The following IVD variants were observed in gnomAD, a reference collection of about 807,000 sequenced individuals.
The protein encoded by IVD is isovaleryl-CoA dehydrogenase, mitochondrial.
A neutral mutation model predicts 51.3 loss-of-function variants in IVD; 31 were observed. The ratio of observed to expected loss-of-function variants is 0.60; its 90% CI spans 0.45 to 0.81. IVD has a LOEUF of 0.81. Among genes scored for constraint, IVD ranks in the 40% least tolerant of loss-of-function variants. The pLI, the probability that IVD is intolerant of heterozygous loss-of-function variation, is 0.00. For missense variants in IVD, 475 were observed against 552.0 expected (o/e 0.86, Z 1.40); for synonymous variants, 205 against 219.4 (o/e 0.93, Z 0.58).
Position 40,411,275 on chromosome 15 carries a change from T to C in IVD, c.472T>C (p.Tyr158His), listed in dbSNP as rs761605034. The change falls in exon 5 of 12, where the codon TAC (tyrosine) becomes CAC (histidine). Residue 158 changes from tyrosine (Y) to histidine (H), a missense_variant. Coordinates refer to ENST00000487418, the MANE Select transcript of IVD (RefSeq NM_002225.5). ...TTCCTTGCAGCTGATCAGTGGTGAG[T>C]ACATCGGAGCCCTGGCCATGAGTGA... ...KYLPKLISGE[Y>H]IGALAMSEPN... The C allele has an allele frequency of 1.9e-6, 3 of 1,614,000 alleles. No homozygotes were observed. In the South Asian group the frequency reaches 3.3e-5, roughly 18 times the overall value.
At chr15:40,406,864 C>CTTTTTTT (rs920097308) in intron 1 of IVD, among the ~76,000 whole-genome samples, 1 of 138,778 alleles carries the variant, frequency 7.2e-6, no homozygotes, top group Non-Finnish European at 1.6e-5. Flanking sequence ...TTTCTTTTTT[C>CTTTTTTT]TTTTTTTTTT....
intron 11 of IVD, among the ~76,000 whole-genome samples, chr15:40,417,286 T>A (rs577191695): frequency 8.9e-4 from 133 of 149,516 alleles, no homozygotes; most frequent in African/African-American, 3.2e-3. Context: ...GGCAGGTGGA[T>A]CACCTGAGGT....
rs1266890747 is a variant in IVD at position 40,420,901 on chromosome 15, AAG to A, written c.*2641_*2642del. 3.0e-6 allele frequency: 3 copies of A among 985,494 alleles called. No homozygotes were observed. Among genetic ancestry groups the A allele is most frequent in the Non-Finnish European group, 3.6e-6 (3 of 830,072 alleles). 61.0% of individuals were successfully genotyped at this position (985,494 alleles called of 1,614,324 possible). On this transcript the variant is annotated 3_prime_UTR_variant, in exon 12 of 12. Transcript: ENST00000487418. ...TGTTCCACCCCTTCCGAGTTCCAAA[AAG>A]AGGGAACTGGTTTTCTTGGTTCTCA...
At chr15:40,406,332 T>C (rs1319541774) in intron 1 of IVD, 11 of 1,348,160 alleles carry the variant, frequency 8.2e-6, no homozygotes. Context: ...GTAGTTCACT[T>C]ACACCTGAAC....
At chr15:40,416,731 C>G (rs1891728892) in intron 11 of IVD, among the ~76,000 whole-genome samples, 1 of 152,150 alleles carries the variant, frequency 6.6e-6, no homozygotes, top group African/African-American at 2.4e-5. Flanking sequence ...TTCTCCACTC[C>G]TCACTATGTG....
rs574117038 is a variant in IVD, at chr15:40,433,525, G to T, written c.720-329G>T. ...TGCACCCCTGGTCTTCCAGTCCACA[G>T]CACTGGGAGTTCCTCAGGGGAGAAG... On this transcript the variant is annotated intron_variant, in intron 7 of 8. Coordinates refer to the IVD transcript ENST00000473112. Among the ~76,000 whole-genome samples, 12 of 152,284 alleles carry T rather than the reference G, an allele frequency of 7.9e-5. 1 individual carries two copies. The highest frequency in any genetic ancestry group is 2.9e-4 in the African/African-American group (12 of 41,552).
rs1891544611 is a variant in IVD at position 40,415,350 on chromosome 15, C to T, written c.879-51C>T. On this transcript the variant is annotated intron_variant, in intron 8 of 11. Transcript: ENST00000487418. Reference sequence around the variant, plus strand: ...CCCACGCTAGCATTTTGCCACCACACCCGGTGGTGGGATGAGGAGGTGCCC... The same window carrying T: ...CCCACGCTAGCATTTTGCCACCACATCCGGTGGTGGGATGAGGAGGTGCCC... The T allele has an allele frequency of 2.0e-6, 3 of 1,482,494 alleles. No individual in the cohort carries two copies. The Admixed American group carries it at 5.0e-5, about 25-fold the overall frequency. The allele number at this position is 1,482,494 out of a possible 1,614,324, so 91.8% of individuals were successfully genotyped here. A position where few individuals can be genotyped will look rare whatever the true frequency, so the allele number is the denominator to read the frequency against.
chr15:40,420,674 C>G lies in IVD; in HGVS notation c.*2411C>G. ...AGCCCAGAGTGCTAAGTTCTTACAG[C>G]CAGAAGGAAGCTTATAGATTTCTGA... On this transcript the variant is annotated 3_prime_UTR_variant, in exon 12 of 12. Transcript: ENST00000487418. The G allele has an allele frequency of 1.0e-6, 1 of 987,294 alleles. No homozygotes were observed. The highest frequency in any genetic ancestry group is 1.2e-6 in the Non-Finnish European group (1 of 830,096). The allele number at this position is 987,294 out of a possible 1,614,324, so 61.2% of individuals were successfully genotyped here.
rs1249153955 is a variant in IVD at position 40,420,312 on chromosome 15, C to A, written c.*2049C>A. On this transcript the variant is annotated 3_prime_UTR_variant, in exon 12 of 12. Coordinates refer to ENST00000487418, the MANE Select transcript of IVD (RefSeq NM_002225.5). ...ACTGGGCAGCAGGCACAGGCCCTAC[C>A]CGAGCAGGCCGGAGTTGGCTCGCAT... 1 of 987,580 alleles carries A rather than the reference C, an allele frequency of 1.0e-6. No homozygotes were observed. The highest frequency in any genetic ancestry group is 1.7e-5 in the African/African-American group (1 of 57,328). 61.2% of individuals were successfully genotyped at this position (987,580 alleles called of 1,614,324 possible). A position where few individuals can be genotyped will look rare whatever the true frequency, so the allele number is the denominator to read the frequency against.
Position 40,419,114 on chromosome 15 carries a change from C to T in IVD, c.*851C>T, listed in dbSNP as rs1595800593. 16 of 1,277,476 alleles carry T rather than the reference C, an allele frequency of 1.3e-5. No individual in the cohort carries two copies. The South Asian group carries it at 1.9e-4, about 15-fold the overall frequency. The allele number at this position is 1,277,476 out of a possible 1,614,324, so 79.1% of individuals were successfully genotyped here. On this transcript the variant is annotated 3_prime_UTR_variant, in exon 12 of 12. Coordinates refer to ENST00000487418, the MANE Select transcript of IVD (RefSeq NM_002225.5). ...TTGTGCCATTGCACTCCAGCCTGGG[C>T]GACAAGAGCAAAACTCTTCAAAAAA...
downstream of IVD, chr15:40,435,648 G>C (rs1250342697): frequency 9.5e-7 from 1 of 1,050,188 alleles, no homozygotes; most frequent in Non-Finnish European, 1.2e-6. Flanking sequence ...TCCTTGGCAG[G>C]GTTTACAAAG....
chr15:40,423,945 C>T (rs1163963413), downstream of IVD, among the ~76,000 whole-genome samples: 1 of 152,206 alleles, frequency 6.6e-6, no homozygotes, highest in African/African-American at 2.4e-5. Flanking sequence ...CCAGAGCCTA[C>T]AGCCACGCTA....
chr15:40,434,525 G>T (rs1893157833), intron 8 of IVD, among the ~76,000 whole-genome samples: 1 of 152,186 alleles, frequency 6.6e-6, no homozygotes, highest in Middle Eastern at 3.2e-3. Context: ...CCCTCCAGGG[G>T]TTTATAATCT....
At chr15:40,406,274 T>C (rs1305302100) in intron 1 of IVD, 16 of 1,446,574 alleles carry the variant, frequency 1.1e-5, no homozygotes, top group Admixed American at 2.1e-5. Context: ...TGGTGGAGGA[T>C]TGGCCAGGCT....
At chr15:40,407,051 C>T (rs139146074) in intron 1 of IVD, among the ~76,000 whole-genome samples, 4 of 152,042 alleles carry the variant, frequency 2.6e-5, no homozygotes, top group African/African-American at 7.2e-5. Context: ...TTAGTAGAGA[C>T]GGAGTTTCTC....
intron 7 of IVD, among the ~76,000 whole-genome samples, chr15:40,430,053 G>A (rs982262314): frequency 6.6e-6 from 1 of 152,254 alleles, no homozygotes; most frequent in Non-Finnish European, 1.5e-5. Flanking sequence ...TTTAAAGGTA[G>A]GGAGGCAGAG....
downstream of IVD, among the ~76,000 whole-genome samples, chr15:40,426,141 A>G (rs1475687425): frequency 1.3e-5 from 2 of 151,606 alleles, no homozygotes; most frequent in Non-Finnish European, 2.9e-5. Flanking sequence ...AATCTCTTCA[A>G]TTTTTTTTCT....
chr15:40,413,869 G>GT (rs1361436498), intron 7 of IVD, among the ~76,000 whole-genome samples: 1 of 151,610 alleles, frequency 6.6e-6, no homozygotes, highest in Non-Finnish European at 1.5e-5. Flanking sequence ...TTTTTTGTTT[G>GT]TTTTTTTGAG....
downstream of IVD, among the ~76,000 whole-genome samples, chr15:40,429,058 G>A (rs1339477254): frequency 1.3e-5 from 2 of 152,108 alleles, no homozygotes; most frequent in African/African-American, 2.4e-5. Context: ...CCTCTGATAA[G>A]TCCCATCCCT....
Sources: gnomAD v4.1 joint callset for allele counts (sites outside exome capture counted in the v4.1 genomes callset) on GRCh38, gnomAD v4.1.1 for gene constraint, MANE v1.5 for transcripts, NCBI Gene and HGNC (gene_info 2026-07-23, HGNC 2026-07-21) for gene names.